GALNTL6: variants seen among roughly 807,000 people sequenced by gnomAD.
The protein encoded by GALNTL6 is polypeptide N-acetylgalactosaminyltransferase like 6.
GALNTL6 carries 46 observed loss-of-function variants against 73.7 expected under a neutral mutation model. The observed-to-expected ratio is 0.62, with a 90% CI of 0.49 to 0.80. The LOEUF (loss-of-function observed/expected upper bound fraction) is 0.80. GALNTL6 is among the 30% of genes least tolerant of loss of function. GALNTL6 has a pLI of 0.00. For synonymous variants in GALNTL6, 259 were observed against 263.7 expected (o/e 0.98, Z 0.17); for missense variants, 604 against 755.0 (o/e 0.80, Z 2.34).
chr4:172,516,629 T>G (rs1734616082), intron 5 of GALNTL6, among the ~76,000 whole-genome samples: 1 of 152,266 alleles, frequency 6.6e-6, no homozygotes, highest in Middle Eastern at 3.4e-3. Context: ...CAATTTTACC[T>G]CAATAGTGCT....
At chr4:172,970,258 T>C (rs564053550) in intron 10 of GALNTL6, among the ~76,000 whole-genome samples, 2 of 152,182 alleles carry the variant, frequency 1.3e-5, no homozygotes, top group Admixed American at 1.3e-4. Flanking sequence ...TTGATAAACA[T>C]CTTAAACAAC....
chr4:172,493,705 G>A lies in GALNTL6; in HGVS notation c.553+145016G>A, dbSNP rs17058555. ...TTTAGCTAAATAGGCAGTGAGTTCC[G>A]TGCTGCATTTTGATAAGAATGCCCC... On this transcript the variant is annotated intron_variant, in intron 5 of 12. Transcript: ENST00000506823. 0.01 allele frequency among the ~76,000 whole-genome samples: 1,524 copies of A among 152,230 alleles called. 83 individuals are homozygous for A. The East Asian group carries it at 0.17, about 17-fold the overall frequency.
chr4:172,937,512 C>G (rs553937864), intron 9 of GALNTL6, among the ~76,000 whole-genome samples: 1 of 152,152 alleles, frequency 6.6e-6, no homozygotes, highest in South Asian at 2.1e-4. Context: ...GGGGAGATAC[C>G]CACAGATTTT....
chr4:172,119,168 A>G (rs901417544), intron 2 of GALNTL6, among the ~76,000 whole-genome samples: 1 of 152,186 alleles, frequency 6.6e-6, no homozygotes, highest in Non-Finnish European at 1.5e-5. Flanking sequence ...ATGCATTTAT[A>G]TAAGGGCTAA....
At chr4:172,814,855 G>T (rs557233506) in intron 7 of GALNTL6, among the ~76,000 whole-genome samples, 24 of 152,218 alleles carry the variant, frequency 1.6e-4, no homozygotes, top group African/African-American at 5.5e-4. Flanking sequence ...GAGAGAAGTC[G>T]TTTCTTTTGT....
chr4:172,310,483 C>G (rs967877953), intron 3 of GALNTL6, among the ~76,000 whole-genome samples: 1 of 152,058 alleles, frequency 6.6e-6, no homozygotes, highest in Non-Finnish European at 1.5e-5. Flanking sequence ...GTTGGCCAGG[C>G]TGGTCTCAAA....
intron 2 of GALNTL6, among the ~76,000 whole-genome samples, chr4:172,199,154 G>A (rs1735874936): frequency 6.6e-6 from 1 of 152,122 alleles, no homozygotes; most frequent in African/African-American, 2.4e-5. Flanking sequence ...CATAGAGTAA[G>A]CATTTCATCA....
At chr4:172,072,644 T>C (rs1044736200) in intron 2 of GALNTL6, among the ~76,000 whole-genome samples, 2 of 152,210 alleles carry the variant, frequency 1.3e-5, no homozygotes, top group African/African-American at 4.8e-5. Flanking sequence ...CTGTTGACTT[T>C]GTTGTTCAGG....
At chr4:172,196,944 A>G (rs1434503440) in intron 2 of GALNTL6, among the ~76,000 whole-genome samples, 1 of 152,220 alleles carries the variant, frequency 6.6e-6, no homozygotes, top group African/African-American at 2.4e-5. Context: ...CGCCAGGGGA[A>G]TCAGGCAAGA....
In GALNTL6 at chr4:172,551,546, G is replaced by A. The variant is rs144123711; in HGVS notation, c.553+202857G>A. On this transcript the variant is annotated intron_variant, in intron 5 of 12. Coordinates refer to ENST00000506823, the MANE Select transcript of GALNTL6 (RefSeq NM_001034845.3). ...ATGTTTATGCTAACAATGTAAATAC[G>A]ACTTAAAATTAAAAACCAAATTCCT... Among the ~76,000 whole-genome samples the A allele has an allele frequency of 4.0e-3, 604 of 151,958 alleles. 2 individuals carry two copies. Among genetic ancestry groups the A allele is most frequent in the African/African-American group, 0.013 (550 of 41,464 alleles).
intron 12 of GALNTL6, 52 bp downstream of exon 12, chr4:173,021,677 T>C (rs1215273150): frequency 1.9e-6 from 3 of 1,584,058 alleles, no homozygotes; most frequent in Non-Finnish European, 2.6e-6. Flanking sequence ...TTTAAGTTAT[T>C]CTTACTCAGT....
intron 2 of GALNTL6, among the ~76,000 whole-genome samples, chr4:171,960,345 C>T (rs924240566): frequency 3.3e-5 from 5 of 152,038 alleles, no homozygotes; most frequent in South Asian, 2.1e-4. Flanking sequence ...GGCATGATCT[C>T]GGCTCACTGC....
intron 5 of GALNTL6, among the ~76,000 whole-genome samples, chr4:172,482,202 C>T (rs1343320360): frequency 4.6e-5 from 7 of 152,324 alleles, no homozygotes; most frequent in Admixed American, 1.3e-4. Flanking sequence ...ACCCGGAACT[C>T]GCGCTGGCCC....
chr4:172,552,853 A>AAAAAAC, intron 5 of GALNTL6, among the ~76,000 whole-genome samples: 1 of 150,716 alleles, frequency 6.6e-6, no homozygotes, highest in Non-Finnish European at 1.5e-5. Flanking sequence ...AAAAAAAAAA[A>AAAAAAC]AAAAGGTAAA....
At chr4:171,994,708 C>T (rs1740437029) in intron 2 of GALNTL6, among the ~76,000 whole-genome samples, 1 of 148,694 alleles carries the variant, frequency 6.7e-6, no homozygotes, top group Non-Finnish European at 1.5e-5. Flanking sequence ...TGTGTTATTG[C>T]TATTGCAATA....
intron 2 of GALNTL6, among the ~76,000 whole-genome samples, chr4:172,122,167 G>C (rs1338435161): frequency 6.6e-6 from 1 of 151,422 alleles, no homozygotes; most frequent in Admixed American, 6.6e-5. Flanking sequence ...ATGGCTGTAT[G>C]AGAAATATTG....
At chr4:172,267,055 G>A (rs1738474483) in intron 3 of GALNTL6, among the ~76,000 whole-genome samples, 1 of 152,084 alleles carries the variant, frequency 6.6e-6, no homozygotes, top group Admixed American at 6.6e-5. Flanking sequence ...GTGAAAAATA[G>A]AAAACAGTGA....
chr4:172,336,279 T>TG (rs1266426780), intron 4 of GALNTL6, among the ~76,000 whole-genome samples: 6 of 137,524 alleles, frequency 4.4e-5, no homozygotes, highest in South Asian at 2.5e-4. Flanking sequence ...TGTTTTGTTT[T>TG]TTTTTTTTTT....
chr4:172,363,040 C>A (rs541049930), intron 5 of GALNTL6, among the ~76,000 whole-genome samples: 25 of 152,258 alleles, frequency 1.6e-4, no homozygotes, highest in African/African-American at 5.8e-4. Flanking sequence ...TCTTCCCTCT[C>A]TATAACTTTT....
Sources: allele counts gnomAD v4.1 joint callset (sites outside exome capture counted in the v4.1 genomes callset), GRCh38; gene constraint gnomAD v4.1.1; transcripts MANE v1.5; gene names NCBI Gene and HGNC (gene_info 2026-07-23, HGNC 2026-07-21).